DCN: variants seen among roughly 807,000 people sequenced by gnomAD.
The protein encoded by DCN is decorin, also known as bone proteoglycan II.
A neutral mutation model predicts 36.5 loss-of-function variants in DCN; 17 were observed. The observed-to-expected ratio is 0.47, with a 90% CI of 0.32 to 0.70. The LOEUF (loss-of-function observed/expected upper bound fraction) is 0.70. Among genes scored for constraint, DCN ranks in the 30% least tolerant of loss-of-function variants. DCN has a pLI of 0.04. For synonymous variants in DCN, 163 were observed against 161.4 expected (o/e 1.01, Z -0.07); for missense variants, 389 against 430.1 (o/e 0.90, Z 0.84).
rs1880889853 is a variant in DCN, at chr12:91,144,336, C to T, written c.*1722G>A. 6.6e-6 allele frequency: 1 copy of T among 152,138 alleles called. No homozygotes were observed. The highest frequency in any genetic ancestry group is 1.5e-5 in the Non-Finnish European group (1 of 68,044). The allele number at this position is 152,138 out of a possible 1,614,324, so 9.4% of individuals were successfully genotyped here. A position where few individuals can be genotyped will look rare whatever the true frequency, so the allele number is the denominator to read the frequency against. On this transcript the variant is annotated 3_prime_UTR_variant, in exon 8 of 8. Coordinates refer to ENST00000052754, the MANE Select transcript of DCN (RefSeq NM_001920.5). The stretch of plus-strand genomic sequence containing the variant: ...AGGATGCATCATTCAAGGTCCAGCT[C>T]TGAACAACAACAAAAAAAGTCCATT...
rs971546437 is a variant in DCN, at chr12:91,141,202, T to A, written c.*4856A>T. ...TCAGAGTAAAAGCTCATCTTTACAA[T>A]GGCCTAAAAAGTCCTACAGGATGCG... is the stretch of plus-strand genomic sequence containing the variant. On this transcript the variant is annotated 3_prime_UTR_variant, in exon 8 of 8. Coordinates refer to ENST00000052754, the MANE Select transcript of DCN (RefSeq NM_001920.5). 1 of 152,202 alleles carries A rather than the reference T, an allele frequency of 6.6e-6. No homozygotes were observed. Among genetic ancestry groups the A allele is most frequent in the African/African-American group, 2.4e-5 (1 of 41,448 alleles). 9.4% of individuals were successfully genotyped at this position (152,202 alleles called of 1,614,324 possible).
rs559685942 is a variant in DCN, at chr12:91,143,839, T to G, written c.*2219A>C. On this transcript the variant is annotated 3_prime_UTR_variant, in exon 8 of 8. Transcript: ENST00000052754. ...AGATATATATATAAATATATATATA[T>G]AAAGATATATATGTGTGTATATATA... The G allele has an allele frequency of 1.1e-4, 16 of 148,046 alleles. No individual in the cohort carries two copies. Among genetic ancestry groups the G allele is most frequent in the African/African-American group, 3.4e-4 (14 of 40,762 alleles). The allele number at this position is 148,046 out of a possible 1,614,324, so 9.2% of individuals were successfully genotyped here. A position where few individuals can be genotyped will look rare whatever the true frequency, so the allele number is the denominator to read the frequency against.
chr12:91,172,556 C>A, intron 2 of DCN: 1 of 430,000 alleles, frequency 2.3e-6, no homozygotes, highest in Admixed American at 4.0e-5. Flanking sequence ...CTCTTTAATT[C>A]TATTCTCTTT....
intron 2 of DCN, among the ~76,000 whole-genome samples, chr12:91,174,214 A>G (rs1281263922): frequency 6.6e-6 from 1 of 152,068 alleles, no homozygotes; most frequent in Non-Finnish European, 1.5e-5. Flanking sequence ...GTAAATGCAC[A>G]ATTTTTTTTG....
intron 7 of DCN, among the ~76,000 whole-genome samples, chr12:91,149,560 C>T (rs935558819): frequency 1.3e-5 from 2 of 152,164 alleles, no homozygotes; most frequent in Non-Finnish European, 2.9e-5. Context: ...CTAATTTCAT[C>T]ACCTTTGTTC....
intron 3 of DCN, among the ~76,000 whole-genome samples, chr12:91,160,816 A>G (rs1398451660): frequency 6.6e-6 from 1 of 152,204 alleles, no homozygotes; most frequent in Non-Finnish European, 1.5e-5. Context: ...AAGAAAATAT[A>G]TTAAATGTTG....
rs906778048 is a variant in DCN at position 91,143,275 on chromosome 12, T to C, written c.*2783A>G. Reference sequence around the variant, plus strand: ...CCAGAATTGTGAGAAAGTAAGTTTCTGTTGTTTTAAGCCACCCAGTTTTTG... The same window carrying C: ...CCAGAATTGTGAGAAAGTAAGTTTCCGTTGTTTTAAGCCACCCAGTTTTTG... On this transcript the variant is annotated 3_prime_UTR_variant, in exon 8 of 8. Coordinates refer to ENST00000052754, the MANE Select transcript of DCN (RefSeq NM_001920.5). The C allele has an allele frequency of 2.0e-5, 3 of 152,254 alleles. No homozygotes were observed. Among genetic ancestry groups the C allele is most frequent in the African/African-American group, 4.8e-5 (2 of 41,464 alleles). 9.4% of individuals were successfully genotyped at this position (152,254 alleles called of 1,614,324 possible). A position where few individuals can be genotyped will look rare whatever the true frequency, so the allele number is the denominator to read the frequency against.
rs1883356531 is a variant in DCN at position 91,177,398 on chromosome 12, T to C, written c.211+944A>G. On this transcript the variant is annotated intron_variant, in intron 2 of 7. Transcript: ENST00000052754. ...GACTTCTGAAAGAAGTGCCTGATCA[T>C]AGTATGGAATTTCTTCCAGAAGGAA... is the stretch of plus-strand genomic sequence containing the variant. 4 of 579,954 alleles carry C rather than the reference T, an allele frequency of 6.9e-6. No individual in the cohort carries two copies. In the East Asian group the frequency reaches 1.1e-4, roughly 16 times the overall value. The allele number at this position is 579,954 out of a possible 1,614,324, so 35.9% of individuals were successfully genotyped here.
In DCN at chr12:91,151,739, T is replaced by C. The variant is rs1881441581; in HGVS notation, c.800A>G (p.Asn267Ser). Residue 267 changes from asparagine (N) to serine (S), a missense_variant, in exon 7 of 8, where the codon AAC (asparagine) becomes AGC (serine). Transcript: ENST00000052754. ...ISAVDNGSLA[N>S]TPHLRELHLD... ...GTGAAGCTCCCTCAGATGAGGCGTG[T>C]TGGCCAGAGAGCCATTGTCAACAGC... 5 of 1,613,986 alleles carry C rather than the reference T, an allele frequency of 3.1e-6. No homozygotes were observed. In the South Asian group the frequency reaches 3.3e-5, roughly 11 times the overall value.
At chr12:91,169,516 A>G (rs1483896676) in intron 2 of DCN, 1 of 152,048 alleles carries the variant, frequency 6.6e-6, no homozygotes, top group Admixed American at 6.6e-5. Context: ...TATTTTTCAG[A>G]GAAACATACT....
intron 5 of DCN, among the ~76,000 whole-genome samples, chr12:91,156,062 G>A (rs576931996): frequency 1.3e-5 from 2 of 152,318 alleles, no homozygotes; most frequent in African/African-American, 2.4e-5. Context: ...GAGGGCTTCT[G>A]TGAGACTGAA....
chr12:91,147,779 T>C (rs947491491), intron 7 of DCN, among the ~76,000 whole-genome samples: 2 of 152,220 alleles, frequency 1.3e-5, no homozygotes, highest in African/African-American at 4.8e-5. Flanking sequence ...TCACAGCATT[T>C]AGAATAGACC....
chr12:91,182,655 C>A lies in DCN; in HGVS notation c.-34G>T, dbSNP rs1423964020. 6.6e-6 allele frequency: 1 copy of A among 151,852 alleles called. No individual in the cohort carries two copies. Among genetic ancestry groups the A allele is most frequent in the African/African-American group, 2.4e-5 (1 of 41,402 alleles). 9.4% of individuals were successfully genotyped at this position (151,852 alleles called of 1,614,324 possible). On this transcript the variant is annotated splice_region_variant and 5_prime_UTR_variant, in exon 1 of 8. The change creates a new upstream start codon in the 5' untranslated region. Coordinates refer to ENST00000052754, the MANE Select transcript of DCN (RefSeq NM_001920.5). Reference sequence around the variant, plus strand: ...TCAGGACAATTATTGAAAACCATACCTTTTAATCCGGGAATTTGCCACAGG... The same window carrying A: ...TCAGGACAATTATTGAAAACCATACATTTTAATCCGGGAATTTGCCACAGG...
At chr12:91,166,555 A>G (rs1882586187) in intron 2 of DCN, among the ~76,000 whole-genome samples, 1 of 152,176 alleles carries the variant, frequency 6.6e-6, no homozygotes, top group African/African-American at 2.4e-5. Flanking sequence ...CCTTCATCAC[A>G]GTCCTAATTT....
chr12:91,159,489 T>C (rs3138239), intron 3 of DCN, among the ~76,000 whole-genome samples: 2,446 of 152,184 alleles, frequency 0.016, 61 homozygotes, highest in African/African-American at 0.055. Flanking sequence ...CCAATACTTC[T>C]CATGTTTATT....
chr12:91,155,525 C>T (rs1386425642), intron 5 of DCN, among the ~76,000 whole-genome samples: 2 of 152,076 alleles, frequency 1.3e-5, no homozygotes, highest in African/African-American at 2.4e-5. Flanking sequence ...TATTTTGGAG[C>T]ATGCATTAAG....
chr12:91,178,407 G>T lies in DCN; in HGVS notation c.146C>A (p.Ser49Tyr), dbSNP rs1409191137. The T allele has an allele frequency of 1.9e-6, 3 of 1,614,026 alleles. No individual in the cohort carries two copies. Among genetic ancestry groups the T allele is most frequent in the Non-Finnish European group, 2.5e-6 (3 of 1,179,998 alleles). Residue 49 changes from serine (S) to tyrosine (Y), a missense_variant, in exon 2 of 8, where the codon TCC becomes TAC. Transcript: ENST00000052754. The part of the protein sequence containing the change: ...EVPDDRDFEP[S>Y]LGPVCPFRCQ... The stretch of plus-strand genomic sequence containing the variant: ...GCGGAAGGGGCACACTGGGCCTAGG[G>T]AGGGCTCGAAGTCGCGGTCATCAGG...
rs58084622 is a variant in DCN, at chr12:91,141,107, G to C, written c.*4951C>G. 1 of 151,932 alleles carries C rather than the reference G, an allele frequency of 6.6e-6. No individual in the cohort carries two copies. The highest frequency in any genetic ancestry group is 1.9e-4 in the East Asian group (1 of 5,174). 9.4% of individuals were successfully genotyped at this position (151,932 alleles called of 1,614,324 possible). A position where few individuals can be genotyped will look rare whatever the true frequency, so the allele number is the denominator to read the frequency against. On this transcript the variant is annotated 3_prime_UTR_variant, in exon 8 of 8. Coordinates refer to ENST00000052754, the MANE Select transcript of DCN (RefSeq NM_001920.5). The stretch of plus-strand genomic sequence containing the variant: ...TACCTTACAGTCTATACACGCAAAG[G>C]GATCCTCTCAAAGACAGTTGAATCA...
chr12:91,155,727 G>A (rs1447037273), intron 5 of DCN, among the ~76,000 whole-genome samples: 1 of 152,040 alleles, frequency 6.6e-6, no homozygotes, highest in East Asian at 1.9e-4. Context: ...AAGATTACTT[G>A]TTACATGCAA....
Sources: gnomAD v4.1 joint callset for allele counts (sites outside exome capture counted in the v4.1 genomes callset) on GRCh38, gnomAD v4.1.1 for gene constraint, MANE v1.5 for transcripts, NCBI Gene and HGNC (gene_info 2026-07-23, HGNC 2026-07-21) for gene names.